Variants in SH3D19 observed in about 807,000 individuals in gnomAD.
The protein encoded by SH3D19 is SH3 domain containing 19.
SH3D19 carries 58 observed loss-of-function variants against 112.1 expected under a neutral mutation model. That is an observed-to-expected ratio of 0.52 (90% CI 0.42 to 0.64). SH3D19 has a LOEUF of 0.64. SH3D19 is among the 30% of genes least tolerant of loss of function. The probability of loss-of-function intolerance (pLI) is 0.00; values close to 1 mark genes in which losing one functional copy is unlikely to be tolerated. For synonymous variants in SH3D19, 391 were observed against 448.5 expected, an observed-to-expected ratio of 0.87 and a Z score of 1.62; for missense variants, 1,090 against 1,263.4, an observed-to-expected ratio of 0.86 and a Z score of 2.08.
At chr4:151,304,445 T>G (rs1483341066) in intron 1 of SH3D19, among the ~76,000 whole-genome samples, 1 of 152,132 alleles carries the variant, frequency 6.6e-6, no homozygotes, top group Non-Finnish European at 1.5e-5. Flanking sequence ...GGTACCAATA[T>G]CAGGACTAGA....
chr4:151,237,495 A>G (rs911676267), intron 1 of SH3D19, among the ~76,000 whole-genome samples: 2 of 151,536 alleles, frequency 1.3e-5, no homozygotes, highest in Non-Finnish European at 2.9e-5. Flanking sequence ...CAATCTAGGT[A>G]GATGTTAAAA....
chr4:151,250,119 T>C (rs1359413634), intron 1 of SH3D19, among the ~76,000 whole-genome samples: 2 of 152,182 alleles, frequency 1.3e-5, no homozygotes. Flanking sequence ...TAAATGCAGA[T>C]TGTCTTTTCT....
At chr4:151,214,485 C>T (rs868288391) in intron 2 of SH3D19, among the ~76,000 whole-genome samples, 4 of 108,226 alleles carry the variant, frequency 3.7e-5, no homozygotes, top group African/African-American at 9.3e-5. Context: ...CCCTCCCGGA[C>T]GGGGCGGCTG....
intron 1 of SH3D19, among the ~76,000 whole-genome samples, chr4:151,317,906 G>A (rs551331550): frequency 6.6e-6 from 1 of 152,108 alleles, no homozygotes; most frequent in East Asian, 1.9e-4. Context: ...CAGGAGAATC[G>A]CTTGAACCTG....
At chr4:151,157,436 A>AAC (rs1184315761) in intron 9 of SH3D19, among the ~76,000 whole-genome samples, 4 of 151,698 alleles carry the variant, frequency 2.6e-5, no homozygotes, top group South Asian at 2.1e-4. Flanking sequence ...ATAAAAAAAA[A>AAC]AAACAAATGC....
rs183339685 is a variant in SH3D19 at position 151,143,968 on chromosome 4, T to C, written c.2165A>G (p.His722Arg). 5.6e-5 allele frequency: 90 copies of C among 1,614,148 alleles called. No homozygotes were observed. In the East Asian group the frequency reaches 1.9e-3, roughly 34 times the overall value. ...CQKGEDTGRV[H>R]LSQMKIITPL... The stretch of plus-strand genomic sequence containing the variant: ...AGTGATAATCTTCATTTGAGACAGG[T>C]GAACTCTGCCAGTGTCTTCTCCCTT... Residue 722 changes from histidine to arginine, a missense_variant, in exon 12 of 20, where the codon CAC (histidine) becomes CGC (arginine). Coordinates refer to ENST00000604030, the MANE Select transcript of SH3D19 (RefSeq NM_001378122.1).
In SH3D19 at chr4:151,150,184, C is replaced by CAAAAAAAAAAA. The variant is rs759365990; in HGVS notation, c.1756-634_1756-624dup. On this transcript the variant is annotated intron_variant, in intron 9 of 19. Coordinates refer to ENST00000604030, the MANE Select transcript of SH3D19 (RefSeq NM_001378122.1). Reference sequence around the variant, plus strand: ...TGGGCAACAGAGCAAGACTCCATCTCAAAAAAAAAAAAAAAAAAAAAAATA... The same window carrying CAAAAAAAAAAA: ...TGGGCAACAGAGCAAGACTCCATCTCAAAAAAAAAAAAAAAAAAAAAAAAAAAAAAAAAATA... 4.2e-4 allele frequency among the ~76,000 whole-genome samples: 3 copies of CAAAAAAAAAAA among 7,200 alleles called. 1 individual carries two copies. Among genetic ancestry groups the CAAAAAAAAAAA allele is most frequent in the African/African-American group, 1.4e-3 (3 of 2,096 alleles). The allele number at this position is 7,200 out of a possible 152,430, so 4.7% of individuals were successfully genotyped here.
intron 9 of SH3D19, among the ~76,000 whole-genome samples, chr4:151,151,908 T>C (rs538261878): frequency 1.1e-4 from 17 of 152,324 alleles, no homozygotes; most frequent in Non-Finnish European, 1.5e-4. Context: ...AAAATAGATA[T>C]ATAAATTTGA....
intron 19 of SH3D19, among the ~76,000 whole-genome samples, chr4:151,126,286 A>T (rs956151991): frequency 3.3e-5 from 5 of 152,208 alleles, no homozygotes; most frequent in Admixed American, 6.5e-5. Flanking sequence ...GTTTTAAACC[A>T]CACCTTGTCC....
At chr4:151,245,075 C>T (rs976624359) in intron 1 of SH3D19, among the ~76,000 whole-genome samples, 2 of 151,584 alleles carry the variant, frequency 1.3e-5, no homozygotes, top group Non-Finnish European at 2.9e-5. Flanking sequence ...ACCCAGGAAG[C>T]GAAGGTTGCA....
At chr4:151,278,447 A>AAAGAAG (rs1180270901) in intron 1 of SH3D19, among the ~76,000 whole-genome samples, 5 of 150,576 alleles carry the variant, frequency 3.3e-5, no homozygotes, top group African/African-American at 1.2e-4. Context: ...TTGTGGCCCA[A>AAAGAAG]AAGAAGAAAA....
chr4:151,245,445 T>C (rs1002472849), intron 1 of SH3D19, among the ~76,000 whole-genome samples: 3 of 152,158 alleles, frequency 2.0e-5, no homozygotes, highest in Admixed American at 6.5e-5. Flanking sequence ...CTTTCTACTT[T>C]CCAGACTTTA....
At chr4:151,262,120 A>G (rs1236462752) in intron 1 of SH3D19, among the ~76,000 whole-genome samples, 1 of 152,202 alleles carries the variant, frequency 6.6e-6, no homozygotes. Flanking sequence ...ACAGGAGCCA[A>G]CTGCCCACGG....
At chr4:151,199,445 CA>C (rs1388319347) in intron 2 of SH3D19, among the ~76,000 whole-genome samples, 1 of 152,096 alleles carries the variant, frequency 6.6e-6, no homozygotes, top group Admixed American at 6.6e-5. Flanking sequence ...GTATGGAGTT[CA>C]GCAGAACAAA....
intron 3 of SH3D19, among the ~76,000 whole-genome samples, chr4:151,185,446 G>A (rs1023734081): frequency 6.6e-6 from 1 of 151,964 alleles, no homozygotes; most frequent in Non-Finnish European, 1.5e-5. Context: ...ATTACTCTAA[G>A]TTATATCTCC....
chr4:151,147,761 C>G (rs965003238), intron 11 of SH3D19, among the ~76,000 whole-genome samples, 161 bp downstream of exon 11: 2 of 152,214 alleles, frequency 1.3e-5, no homozygotes, highest in Non-Finnish European at 2.9e-5. Context: ...CTGTGCCCAA[C>G]CAAGACCTAG....
chr4:151,321,076 A>G (rs562628248), intron 1 of SH3D19, among the ~76,000 whole-genome samples: 1 of 152,282 alleles, frequency 6.6e-6, no homozygotes, highest in East Asian at 1.9e-4. Context: ...ATGTAACAAT[A>G]CAAATAAATC....
At chr4:151,249,720 G>C (rs995186945) in intron 1 of SH3D19, among the ~76,000 whole-genome samples, 5 of 152,124 alleles carry the variant, frequency 3.3e-5, no homozygotes, top group African/African-American at 1.2e-4. Context: ...AATCAGATCT[G>C]ACCTTTTTAA....
chr4:151,222,944 G>A (rs1768333516), intron 2 of SH3D19, among the ~76,000 whole-genome samples: 1 of 150,952 alleles, frequency 6.6e-6, no homozygotes, highest in Admixed American at 6.6e-5. Context: ...TGGGATTACA[G>A]GTGTGAGCCA....
Sources: gnomAD v4.1 joint callset for allele counts (sites outside exome capture counted in the v4.1 genomes callset) on GRCh38, gnomAD v4.1.1 for gene constraint, MANE v1.5 for transcripts, NCBI Gene and HGNC (gene_info 2026-07-23, HGNC 2026-07-21) for gene names.